CALN1: variants seen among roughly 807,000 people sequenced by gnomAD.
CALN1 encodes the protein calneuron 1.
A neutral mutation model predicts 30.6 loss-of-function variants in CALN1; 17 were observed. That is an observed-to-expected ratio of 0.56 (90% CI 0.38 to 0.83). The LOEUF (loss-of-function observed/expected upper bound fraction) is 0.83, where lower values mean the gene tolerates loss of function less well. Ranked by LOEUF, CALN1 falls within the 40% of genes least tolerant of loss-of-function variation. The probability of loss-of-function intolerance (pLI) is 0.00; values close to 1 mark genes in which losing one functional copy is unlikely to be tolerated. For synonymous variants in CALN1, 156 were observed against 131.4 expected, an observed-to-expected ratio of 1.19 and a Z score of -1.28; for missense variants, 291 against 354.9, an observed-to-expected ratio of 0.82 and a Z score of 1.45.
rs56041427 is a variant in CALN1 at position 71,851,208 on chromosome 7, AACACACACACACACACACACACACACAC to A, written c.502-40744_502-40717del. On this transcript the variant is annotated intron_variant, in intron 5 of 6. Transcript: ENST00000395275. ...GGCGACAGAGAGAGACCTTGTCTCA[AACACACACACACACACACACACACACAC>A]ACACACACACACACACATCACACAT... 3.8e-5 allele frequency among the ~76,000 whole-genome samples: 5 copies of A among 132,176 alleles called. No individual in the cohort carries two copies. The East Asian group carries it at 6.9e-4, about 18-fold the overall frequency. 86.7% of individuals were successfully genotyped at this position (132,176 alleles called of 152,430 possible). A position where few individuals can be genotyped will look rare whatever the true frequency, so the allele number is the denominator to read the frequency against.
At chr7:72,134,291 A>G (rs1313401512) in intron 3 of CALN1, among the ~76,000 whole-genome samples, 1 of 152,222 alleles carries the variant, frequency 6.6e-6, no homozygotes, top group Non-Finnish European at 1.5e-5. Flanking sequence ...TCTGTTCTTT[A>G]TAAATTACCC....
chr7:72,379,636 C>T (rs1263712366), intron 2 of CALN1, among the ~76,000 whole-genome samples: 1 of 152,246 alleles, frequency 6.6e-6, no homozygotes, highest in African/African-American at 2.4e-5. Flanking sequence ...CTTGCAAACA[C>T]GTTCACAAAA....
intron 5 of CALN1, among the ~76,000 whole-genome samples, chr7:71,937,467 A>G (rs76339000): frequency 0.074 from 11,181 of 151,786 alleles, 717 homozygotes; most frequent in East Asian, 0.22. Flanking sequence ...ATATAGATGT[A>G]TAATTTCACG....
chr7:72,368,809 C>T (rs888140478), intron 2 of CALN1, among the ~76,000 whole-genome samples: 7 of 101,510 alleles, frequency 6.9e-5, no homozygotes, highest in South Asian at 3.6e-4. Flanking sequence ...GTTTGAAACC[C>T]TTTTTTTTTT....
intron 3 of CALN1, among the ~76,000 whole-genome samples, chr7:72,213,894 G>A (rs564988509): frequency 2.8e-4 from 43 of 152,306 alleles, no homozygotes; most frequent in African/African-American, 1.0e-3. Flanking sequence ...CAACCTTAAA[G>A]TGAGAGACCA....
intron 2 of CALN1, among the ~76,000 whole-genome samples, chr7:72,301,163 G>T (rs1001221024): frequency 6.6e-6 from 1 of 152,170 alleles, no homozygotes; most frequent in African/African-American, 2.4e-5. Flanking sequence ...AGAAAGTGGA[G>T]GAGGGAGAAG....
chr7:72,438,667 C>T (rs1177726612), intron 1 of CALN1, among the ~76,000 whole-genome samples: 2 of 152,132 alleles, frequency 1.3e-5, no homozygotes, highest in African/African-American at 4.8e-5. Flanking sequence ...CTCCAGGAAC[C>T]TGGCTGGCTG....
chr7:72,101,344 G>C (rs769614559), intron 4 of CALN1, among the ~76,000 whole-genome samples: 1 of 152,164 alleles, frequency 6.6e-6, no homozygotes, highest in East Asian at 1.9e-4. Flanking sequence ...ATTTCAAGGA[G>C]GAAACTTTTT....
intron 6 of CALN1, among the ~76,000 whole-genome samples, chr7:71,794,713 C>T (rs1452753532): frequency 6.6e-6 from 1 of 152,216 alleles, no homozygotes; most frequent in East Asian, 1.9e-4. Flanking sequence ...GCTGGTTTTT[C>T]ATCCTATTCC....
intron 5 of CALN1, among the ~76,000 whole-genome samples, chr7:71,978,385 C>T (rs1798214293): frequency 6.7e-6 from 1 of 150,070 alleles, no homozygotes; most frequent in East Asian, 2.0e-4. Context: ...CATTCTCCTG[C>T]CTCAGCCTCC....
intron 5 of CALN1, among the ~76,000 whole-genome samples, chr7:72,008,357 T>C (rs1268430466): frequency 6.8e-6 from 1 of 146,930 alleles, no homozygotes; most frequent in Non-Finnish European, 1.5e-5. Flanking sequence ...ACAATACATA[T>C]AAAAATCTCC....
At chr7:72,066,182 T>C (rs1804010317) in intron 4 of CALN1, among the ~76,000 whole-genome samples, 1 of 152,220 alleles carries the variant, frequency 6.6e-6, no homozygotes, top group African/African-American at 2.4e-5. Context: ...CGTGTTGGAT[T>C]CGGCCTAATT....
chr7:71,950,378 C>A (rs1412442654), intron 5 of CALN1, among the ~76,000 whole-genome samples: 2 of 152,172 alleles, frequency 1.3e-5, no homozygotes, highest in Non-Finnish European at 2.9e-5. Flanking sequence ...GGATCTAGGT[C>A]TCCGACAATC....
chr7:72,406,799 T>G (rs1285648056), intron 1 of CALN1, among the ~76,000 whole-genome samples: 1 of 151,922 alleles, frequency 6.6e-6, no homozygotes, highest in Non-Finnish European at 1.5e-5. Flanking sequence ...GTATTTTTAG[T>G]AGAGACGGGT....
intron 3 of CALN1, among the ~76,000 whole-genome samples, chr7:72,204,916 T>C (rs969548008): frequency 6.6e-6 from 1 of 152,138 alleles, no homozygotes; most frequent in Non-Finnish European, 1.5e-5. Flanking sequence ...TGTACACATA[T>C]TGTCTAAATT....
intron 3 of CALN1, among the ~76,000 whole-genome samples, chr7:72,155,715 A>G (rs929360019): frequency 1.3e-5 from 2 of 152,114 alleles, no homozygotes; most frequent in Non-Finnish European, 2.9e-5. Context: ...GTAACAAATT[A>G]CCCTAACTCT....
At position 72,424,509 on chromosome 7, in the gene CALN1, C is replaced by T. The variant is rs529894120; in HGVS notation, c.-225-12234G>A. On this transcript the variant is annotated intron_variant, in intron 1 of 6. Coordinates refer to the CALN1 transcript ENST00000395276. ...CCAGCATTTCAAGACCATCTCATAC[C>T]CCAAACCATGTGCCTTGCAAAAATA... Among the ~76,000 whole-genome samples, 7 of 152,228 alleles carry T rather than the reference C, an allele frequency of 4.6e-5. No individual in the cohort carries two copies. In the South Asian group the frequency reaches 1.5e-3, roughly 32 times the overall value.
At chr7:72,010,492 T>C (rs1052289359) in intron 5 of CALN1, among the ~76,000 whole-genome samples, 2 of 152,096 alleles carry the variant, frequency 1.3e-5, no homozygotes, top group African/African-American at 4.8e-5. Flanking sequence ...TCCATCATAC[T>C]GGCAGAAAGG....
At chr7:72,252,417 T>C (rs1488237371) in intron 3 of CALN1, among the ~76,000 whole-genome samples, 5 of 152,062 alleles carry the variant, frequency 3.3e-5, no homozygotes, top group Non-Finnish European at 5.9e-5. Flanking sequence ...CTGGGCAACA[T>C]GGTGAGACCT....
Sources: allele counts gnomAD v4.1 joint callset (sites outside exome capture counted in the v4.1 genomes callset), GRCh38; gene constraint gnomAD v4.1.1; transcripts MANE v1.5; gene names NCBI Gene and HGNC (gene_info 2026-07-23, HGNC 2026-07-21).